Variants in WWOX observed in about 807,000 individuals in gnomAD.
WWOX encodes WW domain-containing oxidoreductase.
WWOX carries 69 observed loss-of-function variants against 46.2 expected under a neutral mutation model. That is an observed-to-expected ratio of 1.49 (90% CI 1.23 to 1.82). The LOEUF is 1.82. Among genes scored for constraint, WWOX ranks in the 40% most tolerant of loss-of-function variants. The pLI, the probability that WWOX is intolerant of heterozygous loss-of-function variation, is 0.00. For missense variants in WWOX, 919 were observed against 542.6 expected (o/e 1.69, Z -6.89); for synonymous variants, 359 against 202.6 (o/e 1.77, Z -6.56).
intron 8 of WWOX, among the ~76,000 whole-genome samples, chr16:78,586,399 TG>T (rs1262385652): frequency 1.3e-5 from 2 of 152,082 alleles, no homozygotes; most frequent in Admixed American, 1.3e-4. Flanking sequence ...CCTGGCAAAA[TG>T]GGGAGGTAAG....
chr16:78,774,459 A>G (rs16944122), intron 8 of WWOX, among the ~76,000 whole-genome samples: 3,510 of 151,118 alleles, frequency 0.023, 148 homozygotes, highest in African/African-American at 0.082. Context: ...GGTGTGTCTC[A>G]TGTCATTTTT....
intron 8 of WWOX, among the ~76,000 whole-genome samples, chr16:79,034,401 G>C (rs1280824435): frequency 1.3e-5 from 2 of 152,200 alleles, no homozygotes; most frequent in African/African-American, 2.4e-5. Context: ...AATGCAAAAG[G>C]TGTTTTCTCC....
intron 8 of WWOX, among the ~76,000 whole-genome samples, chr16:78,933,357 C>G (rs186904468): frequency 2.6e-5 from 4 of 152,086 alleles, no homozygotes; most frequent in Non-Finnish European, 5.9e-5. Flanking sequence ...GAGAACTGCT[C>G]GAACCCAGGA....
intron 8 of WWOX, among the ~76,000 whole-genome samples, chr16:78,869,594 C>T (rs1164023917): frequency 1.3e-5 from 2 of 152,206 alleles, no homozygotes; most frequent in Admixed American, 6.5e-5. Flanking sequence ...GATTTTGACA[C>T]TGCGCATGGG....
chr16:79,171,076 G>T (rs1271488011), intron 8 of WWOX, among the ~76,000 whole-genome samples: 1 of 152,198 alleles, frequency 6.6e-6, no homozygotes, highest in Admixed American at 6.5e-5. Flanking sequence ...TTTATTCAGT[G>T]GTGATTATTT....
At chr16:78,855,380 C>T (rs1229873359) in intron 8 of WWOX, among the ~76,000 whole-genome samples, 1 of 151,434 alleles carries the variant, frequency 6.6e-6, no homozygotes, top group African/African-American at 2.4e-5. Context: ...TTGTATGTTG[C>T]GGGGAGGAAA....
chr16:78,585,697 G>GTT (rs577463776), intron 8 of WWOX, among the ~76,000 whole-genome samples: 2 of 133,920 alleles, frequency 1.5e-5, no homozygotes, highest in Non-Finnish European at 3.2e-5. Context: ...GTTTTTTTTT[G>GTT]TTTTTTTTGT....
At chr16:79,069,204 A>G (rs2150562292) in intron 8 of WWOX, among the ~76,000 whole-genome samples, 1 of 152,260 alleles carries the variant, frequency 6.6e-6, no homozygotes, top group Admixed American at 6.5e-5. Context: ...GGAATGGTGG[A>G]AAATAAAGAA....
chr16:78,621,022 G>A (rs951025548), intron 8 of WWOX, among the ~76,000 whole-genome samples: 1 of 152,112 alleles, frequency 6.6e-6, no homozygotes, highest in African/African-American at 2.4e-5. Flanking sequence ...GCTGTTGAAA[G>A]GCTCCTTCTG....
chr16:78,402,024 A>G (rs2082424339), intron 6 of WWOX, among the ~76,000 whole-genome samples: 1 of 152,182 alleles, frequency 6.6e-6, no homozygotes, highest in Non-Finnish European at 1.5e-5. Context: ...AAGCTGTACA[A>G]TTGAGTGATT....
intron 8 of WWOX, chr16:78,996,441 T>C (rs2046991948): frequency 1.7e-6 from 1 of 593,816 alleles, no homozygotes; most frequent in Non-Finnish European, 2.1e-6. Context: ...AATGGAGGCA[T>C]ATTCAAAGTG....
chr16:78,756,815 G>T, intron 8 of WWOX: 3 of 566,426 alleles, frequency 5.3e-6, no homozygotes, highest in Middle Eastern at 5.5e-4. Context: ...AGTCTTCTCG[G>T]ACACCTAATA....
At chr16:78,688,963 A>T (rs985269512) in intron 8 of WWOX, among the ~76,000 whole-genome samples, 1 of 152,158 alleles carries the variant, frequency 6.6e-6, no homozygotes, top group African/African-American at 2.4e-5. Context: ...GTTTGAAGAA[A>T]GACATGTTTG....
chr16:78,996,417 C>G (rs758556666), intron 8 of WWOX: 15 of 860,242 alleles, frequency 1.7e-5, no homozygotes, highest in Non-Finnish European at 2.1e-5. Context: ...ATGATTTGCT[C>G]AAAGTTTGCA....
intron 4 of WWOX, among the ~76,000 whole-genome samples, chr16:78,131,184 C>G (rs1597243940): frequency 1.3e-5 from 2 of 152,170 alleles, no homozygotes; most frequent in African/African-American, 4.8e-5. Context: ...GTACCAGCAG[C>G]TTGATCTTTG....
intron 5 of WWOX, among the ~76,000 whole-genome samples, chr16:78,257,071 C>T (rs755920028): frequency 3.9e-5 from 6 of 151,998 alleles, no homozygotes; most frequent in South Asian, 2.1e-4. Context: ...GGAATGGGGT[C>T]GCCCCATGAA....
chr16:79,031,271 G>A (rs1277207573), intron 8 of WWOX, among the ~76,000 whole-genome samples: 2 of 152,128 alleles, frequency 1.3e-5, no homozygotes, highest in Non-Finnish European at 2.9e-5. Context: ...GGGGTGCTGA[G>A]AGGTACGTGG....
chr16:78,941,152 A>G (rs771938064), intron 8 of WWOX, among the ~76,000 whole-genome samples: 2 of 152,160 alleles, frequency 1.3e-5, no homozygotes, highest in Non-Finnish European at 2.9e-5. Context: ...AAGCAGATAT[A>G]CTGAACTGGT....
chr16:78,453,817 C>G (rs1450151475), intron 8 of WWOX, among the ~76,000 whole-genome samples: 27 of 147,158 alleles, frequency 1.8e-4, no homozygotes, highest in Non-Finnish European at 1.5e-5. Context: ...TATTGAAAGC[C>G]TTTTTACCAA....
Sources: gnomAD v4.1 joint callset for allele counts (sites outside exome capture counted in the v4.1 genomes callset) on GRCh38, gnomAD v4.1.1 for gene constraint, MANE v1.5 for transcripts, NCBI Gene and HGNC (gene_info 2026-07-23, HGNC 2026-07-21) for gene names.